APOB: variants seen among roughly 807,000 people sequenced by gnomAD.
The protein encoded by APOB is apolipoprotein B, also known as apolipoprotein B-100.
A neutral mutation model predicts 314.1 loss-of-function variants in APOB; 153 were observed. The observed-to-expected ratio is 0.49, with a 90% CI of 0.43 to 0.56. The LOEUF (loss-of-function observed/expected upper bound fraction) is 0.56. APOB is among the 20% of genes least tolerant of loss of function. The pLI is 0.00. For missense variants in APOB, 5,430 were observed against 5,350.7 expected (o/e 1.01, Z -0.46); for synonymous variants, 2,087 against 2,036.4 (o/e 1.02, Z -0.67).
Position 21,010,373 on chromosome 2 carries a change from G to A in APOB, c.6495C>T (p.Ile2165=). The A allele has an allele frequency of 2.5e-6, 4 of 1,581,132 alleles. No homozygotes were observed. Among genetic ancestry groups the A allele is most frequent in the Non-Finnish European group, 3.4e-6 (4 of 1,161,546 alleles). Residue 2165 remains isoleucine, a synonymous_variant, in exon 26 of 29, where the codon ATC becomes ATT. Transcript: ENST00000233242. ...GTTGAGATAGTTTTTCATTAAAGTT[G>A]ATTTTGGCATCATCTAATGCAATTT... is the stretch of plus-strand genomic sequence containing the variant. ...DIQIALDDAK[I]NFNEKLSQLQ...
chr2:21,022,064 T>C (rs1303548383), intron 18 of APOB, among the ~76,000 whole-genome samples: 3 of 152,226 alleles, frequency 2.0e-5, no homozygotes, highest in Non-Finnish European at 4.4e-5. Context: ...CAGTTGATCC[T>C]CCCATCTCAG....
In APOB at chr2:21,011,280, T is replaced by C; in HGVS notation, c.5588A>G (p.Glu1863Gly). Residue 1863 changes from glutamate (E) to glycine (G), a missense_variant, in exon 26 of 29, where the codon GAG becomes GGG. Transcript: ENST00000233242. ...ADTVAKVQGV[E>G]FSHRLNTDIA... ...GTCTGTGTTGAGCCGATGGCTAAAC[T>C]CCACACCCTGAACCTTAGCAACAGT... 1.2e-6 allele frequency: 2 copies of C among 1,614,200 alleles called. No individual in the cohort carries two copies. The highest frequency in any genetic ancestry group is 8.5e-7 in the Non-Finnish European group (1 of 1,180,018).
At position 21,041,138 on chromosome 2, in the gene APOB, C is replaced by T. The variant is rs72653057; in HGVS notation, c.238-55G>A. On this transcript the variant is annotated intron_variant, in intron 3 of 28. Transcript: ENST00000233242. ...GTTGTCTATCAAGAATGAGAGGTGG[C>T]CCCTGAAGCCCAGGGCTTAATCTCT... 8.5e-5 allele frequency: 133 copies of T among 1,573,946 alleles called. No homozygotes were observed. In the African/African-American group the frequency reaches 1.2e-3, roughly 15 times the overall value.
rs761259374 is a variant in APOB, at chr2:21,033,290, A to G, written c.1124+9T>C. The G allele has an allele frequency of 1.1e-5, 18 of 1,609,426 alleles. No individual in the cohort carries two copies. The highest frequency in any genetic ancestry group is 4.5e-5 in the East Asian group (2 of 44,876). ...TTTTATAAAAAGTTGAGCTGTAACC[A>G]TTAGATACCTGGACACCTCAATCAG... On this transcript the variant is annotated intron_variant, in intron 9 of 28. Transcript: ENST00000233242.
In APOB at chr2:21,042,439, T is replaced by C. The variant is rs1188239237; in HGVS notation, c.159A>G (p.Thr53=). ...TGGAACTCTCAGCCTCATAGTTGTA[T>C]GTGTACTTCCGGAGGTGCTTGAATC... The part of the protein sequence containing the change: ...ATRFKHLRKY[T]YNYEAESSSG... Residue 53 remains threonine (T), a synonymous_variant, in exon 3 of 29, where the codon ACA becomes ACG. Coordinates refer to ENST00000233242, the MANE Select transcript of APOB (RefSeq NM_000384.3). The C allele has an allele frequency of 6.2e-7, 1 of 1,614,180 alleles. No homozygotes were observed. The highest frequency in any genetic ancestry group is 8.5e-7 in the Non-Finnish European group (1 of 1,180,038).
rs1195382272 is a variant in APOB, at chr2:21,008,122, C to T, written c.8746G>A (p.Ala2916Thr). The change falls in exon 26 of 29, where the codon GCT becomes ACT. Residue 2916 changes from alanine to threonine, a missense_variant. Ala to Thr is a moderately conservative substitution (Grantham distance 58). Transcript: ENST00000233242. ...LRNEIKTLLK[A>T]GHIAWTSSGK... Reference sequence around the variant, plus strand: ...GAAGAAGTCCATGCTATGTGGCCAGCTTTCAACAGTGTCTTGATCTCGTTG... The same window carrying T: ...GAAGAAGTCCATGCTATGTGGCCAGTTTTCAACAGTGTCTTGATCTCGTTG... 3.7e-6 allele frequency: 6 copies of T among 1,613,920 alleles called. No homozygotes were observed. The Admixed American group carries it at 8.3e-5, about 22-fold the overall frequency.
Position 21,011,670 on chromosome 2 carries a change from T to A in APOB, c.5198A>T (p.Gln1733Leu). ...GTCATTTGAGAGCTTAAGTCCTTCT[T>A]GACTGACCTTGAAGTTGAAAATGTT... ...SKNIFNFKVS[Q>L]EGLKLSNDMM... The change falls in exon 26 of 29, where the codon CAA (glutamine) becomes CTA (leucine). Residue 1733 changes from glutamine to leucine, a missense_variant. Around this residue, in one of 3 missense-constraint regions of APOB, gnomAD observed 2,085 missense variants for 2,079.7 expected, o/e 1.00. Transcript: ENST00000233242. 6.2e-7 allele frequency: 1 copy of A among 1,614,206 alleles called. No individual in the cohort carries two copies. Among genetic ancestry groups the A allele is most frequent in the South Asian group, 1.1e-5 (1 of 91,076 alleles).
chr2:21,003,721 C>A (rs1249533949), intron 28 of APOB, among the ~76,000 whole-genome samples: 12 of 152,214 alleles, frequency 7.9e-5, no homozygotes, highest in African/African-American at 2.9e-4. Context: ...CAAGTTGGAG[C>A]CCACCCTGCA....
At chr2:21,019,488 C>A (rs568211594) in intron 19 of APOB, among the ~76,000 whole-genome samples, 1 of 152,168 alleles carries the variant, frequency 6.6e-6, no homozygotes, top group East Asian at 1.9e-4. Context: ...AACATGGACA[C>A]TGAATTAGGA....
intron 15 of APOB, 50 bp downstream of exon 15, chr2:21,026,738 T>G (rs1245451476): frequency 7.0e-7 from 1 of 1,428,718 alleles, no homozygotes; most frequent in Non-Finnish European, 9.9e-7. Context: ...GAATTGTTTT[T>G]GCATTGAGAC....
rs1291461148 is a variant in APOB, at chr2:21,005,727, G to C, written c.11141C>G (p.Pro3714Arg). 6.2e-7 allele frequency: 1 copy of C among 1,613,858 alleles called. No individual in the cohort carries two copies. Among genetic ancestry groups the C allele is most frequent in the African/African-American group, 1.3e-5 (1 of 74,998 alleles). Residue 3714 changes from proline (P) to arginine (R), a missense_variant, in exon 26 of 29, where the codon CCC becomes CGC. By Grantham distance (103) the Pro-to-Arg change is moderately radical. Transcript: ENST00000233242. Reference protein sequence around the residue: ...VSTAFVYTKNPNGYSFSIPVK... With the variant: ...VSTAFVYTKNRNGYSFSIPVK... ...AGGGATGGAGAATGAATAGCCATTGGGGTTTTTGGTGTACACAAAGGCAGT... is the reference window on the plus strand; with the variant it reads ...AGGGATGGAGAATGAATAGCCATTGCGGTTTTTGGTGTACACAAAGGCAGT...
rs1340673456 is a variant in APOB at position 21,008,081 on chromosome 2, C to T, written c.8787G>A (p.Trp2929Ter). 3.1e-6 allele frequency: 5 copies of T among 1,613,894 alleles called. No homozygotes were observed. The highest frequency in any genetic ancestry group is 4.2e-6 in the Non-Finnish European group (5 of 1,179,960). ...CTGAGAATCTGGGGCAGGCCCATTT[C>T]CATGACCCTTTTCCAGAAGAAGTCC... ...IAWTSSGKGS[W>*]KWACPRFSDE... Residue 2929 changes from tryptophan (W) to a stop codon, truncating the protein, a stop_gained, in exon 26 of 29, where the codon TGG becomes TGA. Transcript: ENST00000233242. LOFTEE classifies it high-confidence loss of function.
chr2:21,040,415 A>G (rs1375426458), intron 4 of APOB, among the ~76,000 whole-genome samples: 1 of 152,218 alleles, frequency 6.6e-6, no homozygotes, highest in Non-Finnish European at 1.5e-5. Context: ...GTGATGTTGA[A>G]AATATTTACA....
In APOB at chr2:21,006,907, TG is replaced by T. The variant is rs2103352410; in HGVS notation, c.9960del (p.Phe3320LeufsTer7). The T allele has an allele frequency of 6.2e-7, 1 of 1,614,102 alleles. No individual in the cohort carries two copies. The highest frequency in any genetic ancestry group is 8.5e-7 in the Non-Finnish European group (1 of 1,179,970). ...ATATGGCTTATGGTACACAATTCCT[TG>T]AAATCTGGAAGAGAAAGCTTGAGAT... Reference protein sequence around the residue: ...PRNLKLSLPDFKELCTISHIF... With the variant: ...PRNLKLSLPDXKELCTISHIF... On this transcript the variant is annotated frameshift_variant, in exon 26 of 29. Transcript: ENST00000233242. LOFTEE classifies it high-confidence loss of function.
chr2:21,023,741 C>A, intron 16 of APOB, 49 bp from the exon 17 acceptor site: 2 of 1,532,868 alleles, frequency 1.3e-6, no homozygotes, highest in East Asian at 2.3e-5. Context: ...TTTTTAAAGT[C>A]GGTTTTGTTA....
chr2:21,009,453 T>G lies in APOB; in HGVS notation c.7415A>C (p.Glu2472Ala), dbSNP rs758982167. ...KAEALKLFLE[E>A]TKATVAVYLE... is the part of the protein sequence containing the mutation. The stretch of plus-strand genomic sequence containing the variant: ...ATACACTGCAACTGTGGCCTTGGTT[T>G]CCTCTAAAAACAGTTTTAATGCTTC... Residue 2472 changes from glutamate to alanine, a missense_variant, in exon 26 of 29, where the codon GAA becomes GCA. Glu to Ala is a moderately radical substitution (Grantham distance 107). Transcript: ENST00000233242. 1.2e-6 allele frequency: 2 copies of G among 1,614,070 alleles called. No homozygotes were observed. The highest frequency in any genetic ancestry group is 1.7e-6 in the Non-Finnish European group (2 of 1,179,968).
At chr2:21,029,509 AAGG>A in intron 12 of APOB, 127 bp downstream of exon 12, 1 of 1,043,786 alleles carries the variant, frequency 9.6e-7, no homozygotes, top group Non-Finnish European at 1.5e-6. Flanking sequence ...GGAAGGAAGG[AAGG>A]AAGGAAGGAA....
intron 20 of APOB, among the ~76,000 whole-genome samples, 159 bp from the exon 21 acceptor site, chr2:21,016,808 C>A (rs542976584): frequency 2.0e-5 from 3 of 151,968 alleles, no homozygotes; most frequent in East Asian, 1.9e-4. Flanking sequence ...CATGGTGAAA[C>A]CCCGTCTCTA....
Position 21,002,628 on chromosome 2 carries a change from A to G in APOB, c.12794T>C (p.Val4265Ala), listed in dbSNP as rs61743502. Reference protein sequence around the residue: ...FELRKHKLIDVISMYRELLKD... With the variant: ...FELRKHKLIDAISMYRELLKD... ...CAACAGTTCCCTATACATCGAGATT[A>G]CATCTATTAGTTTATGTTTCCTTAA... Residue 4265 changes from valine to alanine, a missense_variant, in exon 29 of 29, where the codon GTA (valine) becomes GCA (alanine). Coordinates refer to ENST00000233242, the MANE Select transcript of APOB (RefSeq NM_000384.3). 8.6e-3 allele frequency: 13,817 copies of G among 1,613,992 alleles called. 84 individuals are homozygous for G. Among genetic ancestry groups the G allele is most frequent in the Non-Finnish European group, 0.011 (12,529 of 1,179,918 alleles).
Sources: allele counts gnomAD v4.1 joint callset (sites outside exome capture counted in the v4.1 genomes callset), GRCh38; gene constraint gnomAD v4.1.1; regional missense constraint gnomAD v4.1.1; transcripts MANE v1.5; gene names NCBI Gene and HGNC (gene_info 2026-07-23, HGNC 2026-07-21).